CACNA1E: variants seen among roughly 807,000 people sequenced by gnomAD.
The protein encoded by CACNA1E is calcium voltage-gated channel subunit alpha1 E.
A neutral mutation model predicts 259.2 loss-of-function variants in CACNA1E; 40 were observed. The observed-to-expected ratio is 0.15, with a 90% CI of 0.12 to 0.20. The LOEUF (loss-of-function observed/expected upper bound fraction) is 0.20, where lower values mean the gene tolerates loss of function less well. Among genes scored for constraint, CACNA1E ranks in the 10% least tolerant of loss-of-function variants. The pLI, the probability that CACNA1E is intolerant of heterozygous loss-of-function variation, is 1.00. For synonymous variants in CACNA1E, 1,104 were observed against 1,138.5 expected (o/e 0.97, Z 0.61); for missense variants, 1,874 against 3,040.1 (o/e 0.62, Z 9.02).
intron 1 of CACNA1E, among the ~76,000 whole-genome samples, chr1:181,506,713 A>G (rs1358950700): frequency 1.3e-5 from 2 of 152,230 alleles, no homozygotes; most frequent in Non-Finnish European, 2.9e-5. Flanking sequence ...AAGAAACGCC[A>G]TTGCATGTGG....
chr1:181,358,351 G>A (rs577235215), intron 1 of CACNA1E, among the ~76,000 whole-genome samples: 10 of 152,264 alleles, frequency 6.6e-5, no homozygotes, highest in African/African-American at 2.4e-4. Context: ...ATGAAATCAT[G>A]CTTAAGATCA....
At position 181,386,905 on chromosome 1, in the gene CACNA1E, A is replaced by T. The variant is rs183489867; in HGVS notation, c.-14-26228A>T. ...CCTCAATGAGTCTGCACACGCTTTG[A>T]GTGGGGACCGCTCTTGGGCTTTTGT... is the stretch of plus-strand genomic sequence containing the variant. On this transcript the variant is annotated intron_variant, in intron 1 of 11. Transcript: ENST00000524607. Among the ~76,000 whole-genome samples, 172 of 152,238 alleles carry T rather than the reference A, an allele frequency of 1.1e-3. 3 individuals carry two copies. The highest frequency in any genetic ancestry group is 3.4e-3 in the Middle Eastern group (1 of 294).
intron 6 of CACNA1E, among the ~76,000 whole-genome samples, chr1:181,618,281 T>C (rs1398394101): frequency 6.6e-6 from 1 of 152,210 alleles, no homozygotes; most frequent in African/African-American, 2.4e-5. Context: ...AGAGATCATC[T>C]GGGCTGGGCG....
intron 2 of CACNA1E, among the ~76,000 whole-genome samples, chr1:181,415,119 C>T (rs1411377491): frequency 6.6e-6 from 1 of 152,166 alleles, no homozygotes; most frequent in African/African-American, 2.4e-5. Context: ...TTTTAATGCA[C>T]CTCCATCTTA....
chr1:181,367,452 C>G (rs2101941874), intron 1 of CACNA1E, among the ~76,000 whole-genome samples: 1 of 151,508 alleles, frequency 6.6e-6, no homozygotes, highest in South Asian at 2.1e-4. Context: ...CTTGTCATCT[C>G]AAAGGGGTAT....
intron 1 of CACNA1E, among the ~76,000 whole-genome samples, chr1:181,377,748 T>A (rs2101983203): frequency 6.6e-6 from 1 of 152,374 alleles, no homozygotes; most frequent in African/African-American, 2.4e-5. Context: ...ATATTGACAC[T>A]ATAATAATTC....
intron 7 of CACNA1E, 193 bp downstream of exon 7, chr1:181,651,634 T>C (rs914181793): frequency 4.3e-5 from 22 of 515,988 alleles, no homozygotes; most frequent in African/African-American, 2.7e-4. Flanking sequence ...TCTTGATTAT[T>C]CTCAGGAATT....
At chr1:181,501,720 AAGAG>A (rs58336251) in intron 1 of CACNA1E, among the ~76,000 whole-genome samples, 4 of 149,878 alleles carry the variant, frequency 2.7e-5, no homozygotes, top group African/African-American at 9.7e-5. Flanking sequence ...AGGAGTGGGG[AAGAG>A]AGAGAGAGAG....
At chr1:181,629,896 C>A (rs1355299541) in intron 6 of CACNA1E, among the ~76,000 whole-genome samples, 1 of 152,142 alleles carries the variant, frequency 6.6e-6, no homozygotes, top group Non-Finnish European at 1.5e-5. Flanking sequence ...TGGTTCTGTG[C>A]GTCTGTGTGG....
intron 2 of CACNA1E, among the ~76,000 whole-genome samples, chr1:181,414,848 G>A (rs533554476): frequency 6.6e-6 from 1 of 152,346 alleles, no homozygotes; most frequent in African/African-American, 2.4e-5. Flanking sequence ...TGGAATCCAT[G>A]CCTTTAACCA....
intron 7 of CACNA1E, among the ~76,000 whole-genome samples, chr1:181,687,057 TG>T (rs1038586489): frequency 2.7e-5 from 4 of 150,390 alleles, no homozygotes; most frequent in Admixed American, 1.3e-4. Flanking sequence ...ACTGGTGGGG[TG>T]GGGGTGGTTC....
intron 2 of CACNA1E, among the ~76,000 whole-genome samples, chr1:181,459,167 G>A (rs1661648904): frequency 6.6e-6 from 1 of 152,264 alleles, no homozygotes; most frequent in Admixed American, 6.5e-5. Context: ...CAACCACTAT[G>A]GGAGGATGGG....
chr1:181,708,774 CCTT>C (rs1653048039), intron 7 of CACNA1E, among the ~76,000 whole-genome samples: 1 of 152,216 alleles, frequency 6.6e-6, no homozygotes, highest in Admixed American at 6.5e-5. Flanking sequence ...ACCTATTCTA[CCTT>C]CTTCTCAGAA....
intron 27 of CACNA1E, among the ~76,000 whole-genome samples, chr1:181,752,651 T>G (rs1270704172): frequency 6.6e-6 from 1 of 152,202 alleles, no homozygotes; most frequent in African/African-American, 2.4e-5. Context: ...TTTCTTTTTC[T>G]TATAACTCAA....
chr1:181,431,542 A>T (rs1470009934), intron 2 of CACNA1E, among the ~76,000 whole-genome samples: 1 of 152,198 alleles, frequency 6.6e-6, no homozygotes, highest in Non-Finnish European at 1.5e-5. Flanking sequence ...GGTCCAGGAT[A>T]TTAACAGACA....
intron 6 of CACNA1E, among the ~76,000 whole-genome samples, chr1:181,603,464 A>G (rs764821766): frequency 1.3e-5 from 2 of 152,084 alleles, no homozygotes; most frequent in Non-Finnish European, 2.9e-5. Context: ...TGTTGTGGGG[A>G]GTAGCTAGCT....
At chr1:181,793,618 T>C (rs780127795) in intron 44 of CACNA1E, 47 bp from the exon 45 acceptor site, 169 of 1,585,890 alleles carry the variant, frequency 1.1e-4, no homozygotes, top group Non-Finnish European at 1.4e-4. Context: ...TGAGAAGCAA[T>C]GAGATGGAAC....
At chr1:181,322,976 C>A (rs1387991818) in intron 1 of CACNA1E, among the ~76,000 whole-genome samples, 1 of 152,162 alleles carries the variant, frequency 6.6e-6, no homozygotes, top group African/African-American at 2.4e-5. Context: ...GTGCATCCGT[C>A]CCTGTGAGTT....
intron 1 of CACNA1E, among the ~76,000 whole-genome samples, chr1:181,360,096 T>C (rs1653757823): frequency 6.6e-6 from 1 of 152,154 alleles, no homozygotes; most frequent in Non-Finnish European, 1.5e-5. Flanking sequence ...CCTCGGGCCA[T>C]AGGGGCAGCA....
Sources: allele counts gnomAD v4.1 joint callset (sites outside exome capture counted in the v4.1 genomes callset), GRCh38; gene constraint gnomAD v4.1.1; transcripts MANE v1.5; gene names NCBI Gene and HGNC (gene_info 2026-07-23, HGNC 2026-07-21).